HSD17B14: variants seen among roughly 807,000 people sequenced by gnomAD.
HSD17B14 encodes L-fucose dehydrogenase.
In HSD17B14, 32 loss-of-function variants were observed where a neutral mutation model predicts 32.2. The observed-to-expected ratio is 0.99, with a 90% CI of 0.75 to 1.33. The LOEUF (loss-of-function observed/expected upper bound fraction) is 1.33, where lower values mean the gene tolerates loss of function less well. Among genes scored for constraint, HSD17B14 ranks in the 40% most tolerant of loss-of-function variants. The pLI is 0.00. For missense variants in HSD17B14, 370 were observed against 366.5 expected (o/e 1.01, Z -0.08); for synonymous variants, 140 against 155.4 (o/e 0.90, Z 0.74).
intron 5 of HSD17B14, among the ~76,000 whole-genome samples, chr19:48,820,173 G>A (rs1018927055): frequency 1.3e-5 from 2 of 151,574 alleles, no homozygotes; most frequent in South Asian, 2.1e-4. Context: ...AAAACAAACC[G>A]AAAAAGAACG....
intron 5 of HSD17B14, among the ~76,000 whole-genome samples, chr19:48,826,380 G>A (rs184526555): frequency 1.6e-3 from 242 of 149,250 alleles, no homozygotes; most frequent in African/African-American, 5.6e-3. Context: ...TGTAGTCTCA[G>A]GTCCTCGGGA....
intron 5 of HSD17B14, among the ~76,000 whole-genome samples, chr19:48,820,271 C>T (rs969475435): frequency 5.3e-5 from 8 of 151,894 alleles, no homozygotes; most frequent in African/African-American, 7.2e-5. Flanking sequence ...GTCAAGAGTT[C>T]GAGACCAGCC....
In HSD17B14 at chr19:48,822,771, GTGA is replaced by G. The variant is rs1297859609; in HGVS notation, c.370-7633_370-7631del. ...GATTGTGGTAATGACAGTGTTGATG[GTGA>G]TGATGGTGGTAATGATGGTGACGAT... is the stretch of plus-strand genomic sequence containing the variant. On this transcript the variant is annotated intron_variant, in intron 5 of 8. Coordinates refer to ENST00000263278, the MANE Select transcript of HSD17B14 (RefSeq NM_016246.3). Among the ~76,000 whole-genome samples, 12 of 151,742 alleles carry G rather than the reference GTGA, an allele frequency of 7.9e-5. No homozygotes were observed. In the East Asian group the frequency reaches 1.6e-3, roughly 20 times the overall value.
In HSD17B14 at chr19:48,834,285, A is replaced by G. The variant is rs371967875; in HGVS notation, c.201T>C (p.Asp67=). The G allele has an allele frequency of 3.9e-5, 63 of 1,613,796 alleles. No individual in the cohort carries two copies. Among genetic ancestry groups the G allele is most frequent in the Non-Finnish European group, 4.7e-5 (55 of 1,179,812 alleles). Residue 67 remains aspartate, a synonymous_variant, in exon 3 of 9, where the codon GAT becomes GAC. Coordinates refer to ENST00000263278, the MANE Select transcript of HSD17B14 (RefSeq NM_016246.3). The part of the protein sequence containing the change: ...VFILCDVTQE[D]DVKTLVSETI... The stretch of plus-strand genomic sequence containing the variant: ...CAGGAACTCGGCTTACCTTCACATC[A>G]TCTTCCTGAGTCACATCACAGAGGA...
intron 5 of HSD17B14, among the ~76,000 whole-genome samples, chr19:48,817,848 A>C (rs895160824): frequency 1.3e-5 from 2 of 152,204 alleles, no homozygotes; most frequent in African/African-American, 4.8e-5. Flanking sequence ...TGTACCTACA[A>C]GAAGGAGGTA....
At chr19:48,835,891 C>G in intron 1 of HSD17B14, 48 bp from the exon 2 acceptor site, 1 of 1,582,632 alleles carries the variant, frequency 6.3e-7, no homozygotes, top group Non-Finnish European at 8.7e-7. Flanking sequence ...TGGTTAAAGC[C>G]TCTGCCGCCC....
intron 3 of HSD17B14, among the ~76,000 whole-genome samples, chr19:48,833,126 G>A (rs2035373988): frequency 6.6e-6 from 1 of 151,622 alleles, no homozygotes; most frequent in African/African-American, 2.4e-5. Context: ...CAAGGCAGGA[G>A]GGGGAAGCTG....
At position 48,813,163 on chromosome 19, in the gene HSD17B14, A is replaced by G. The variant is rs776604712; in HGVS notation, c.*12T>C. On this transcript the variant is annotated 3_prime_UTR_variant, in exon 9 of 9. Transcript: ENST00000263278. The stretch of plus-strand genomic sequence containing the variant: ...GTCCTAGGAAGGGGGCCCCAAGTAG[A>G]AATGAGAGAAATCAGGAAGGGATAT... 6.4e-7 allele frequency: 1 copy of G among 1,570,220 alleles called. No individual in the cohort carries two copies. The highest frequency in any genetic ancestry group is 1.2e-5 in the South Asian group (1 of 86,194).
At chr19:48,821,865 T>C (rs1036853824) in intron 5 of HSD17B14, among the ~76,000 whole-genome samples, 7 of 151,952 alleles carry the variant, frequency 4.6e-5, no homozygotes, top group Non-Finnish European at 7.4e-5. Context: ...ATGATAATGA[T>C]AGTGATGATC....
intron 3 of HSD17B14, 71 bp from the exon 4 acceptor site, chr19:48,832,803 G>T: frequency 1.5e-6 from 2 of 1,296,900 alleles, no homozygotes; most frequent in Non-Finnish European, 2.2e-6. Flanking sequence ...ACTCAGGCTG[G>T]AGTGCATTGG....
chr19:48,831,866 T>A, intron 4 of HSD17B14, 107 bp from the exon 5 acceptor site: 1 of 674,894 alleles, frequency 1.5e-6, no homozygotes, highest in Non-Finnish European at 2.7e-6. Flanking sequence ...GATCATGAGG[T>A]CAGGAGTTCA....
Position 48,821,941 on chromosome 19 carries a change from G to A in HSD17B14, c.370-6800C>T, listed in dbSNP as rs369914541. The stretch of plus-strand genomic sequence containing the variant: ...TGGTGATGTTGGTGAGGATGGTGAC[G>A]TGGTAATGATGGTTACGATTGTGGT... On this transcript the variant is annotated intron_variant, in intron 5 of 8. Transcript: ENST00000263278. 4.1e-3 allele frequency among the ~76,000 whole-genome samples: 54 copies of A among 13,138 alleles called. 2 individuals carry two copies. The highest frequency in any genetic ancestry group is 0.013 in the African/African-American group (48 of 3,824). The allele number at this position is 13,138 out of a possible 152,430, so 8.6% of individuals were successfully genotyped here. A position where few individuals can be genotyped will look rare whatever the true frequency, so the allele number is the denominator to read the frequency against.
chr19:48,816,779 T>TTTTTCTTTCTTTCTTTCTTTCTTTC, intron 5 of HSD17B14, among the ~76,000 whole-genome samples: 1 of 122,284 alleles, frequency 8.2e-6, no homozygotes, highest in South Asian at 2.7e-4. Flanking sequence ...GCAAGACCCT[T>TTTTTCTTTCTTTCTTTCTTTCTTTC]TTTCTTTCTT....
At chr19:48,822,825 ATGATGGTGGTGAAGATGGTGTTGATGG>A (rs1162923713) in intron 5 of HSD17B14, among the ~76,000 whole-genome samples, 7 of 151,628 alleles carry the variant, frequency 4.6e-5, no homozygotes, top group African/African-American at 1.7e-4. Flanking sequence ...GGGGATGGTA[ATGATGGTGGTGAAGATGGTGTTGATGG>A]TGATGGTGGT....
chr19:48,831,508 A>C (rs1266664972), intron 5 of HSD17B14, among the ~76,000 whole-genome samples, 160 bp downstream of exon 5: 1 of 151,846 alleles, frequency 6.6e-6, no homozygotes, highest in Non-Finnish European at 1.5e-5. Flanking sequence ...AGCTGAGATC[A>C]CACCACTGTC....
Position 48,832,701 on chromosome 19 carries a change from C to G in HSD17B14, c.242G>C (p.Gly81Ala). The change falls in exon 4 of 9, where the codon GGC becomes GCC. Residue 81 changes from glycine (G) to alanine (A), a missense_variant. By Grantham distance (60) the Gly-to-Ala change is moderately conservative (BLOSUM62 0). Transcript: ENST00000263278. ...GTTGTTGACAACACAATCCAGGCGG[C>G]CAAATCGGCGGATGGTCTCAGAAAC... ...TLVSETIRRF[G>A]RLDCVVNNAG... 3 of 1,612,666 alleles carry G rather than the reference C, an allele frequency of 1.9e-6. No homozygotes were observed. The highest frequency in any genetic ancestry group is 2.5e-6 in the Non-Finnish European group (3 of 1,179,780).
chr19:48,836,328 GGC>G lies in HSD17B14; in HGVS notation c.82_83del (p.Ala28LeufsTer15), dbSNP rs758619535. The G allele has an allele frequency of 1.2e-6, 2 of 1,613,076 alleles. No homozygotes were observed. The highest frequency in any genetic ancestry group is 1.7e-6 in the Non-Finnish European group (2 of 1,179,764). On this transcript the variant is annotated frameshift_variant, in exon 1 of 9. Transcript: ENST00000263278. LOFTEE classifies it high-confidence loss of function. The part of the protein sequence containing the change: ...GRGIGAGIVR[A>X]FVNSGARVVI... ...CAGCAGTCAGACCCGGCTCACCGAA[GGC>G]GCGCACGATCCCAGCTCCGATGCCG...
At chr19:48,831,228 T>C (rs2035330184) in intron 5 of HSD17B14, among the ~76,000 whole-genome samples, 1 of 152,206 alleles carries the variant, frequency 6.6e-6, no homozygotes, top group East Asian at 1.9e-4. Flanking sequence ...AAGGTAGATT[T>C]GCTGGATGTA....
intron 5 of HSD17B14, among the ~76,000 whole-genome samples, chr19:48,818,989 TTTTG>T (rs1032005298): frequency 4.6e-5 from 7 of 152,228 alleles, no homozygotes; most frequent in African/African-American, 7.2e-5. Flanking sequence ...CAACTCCTTT[TTTTG>T]TTTGTTTGTT....
Sources: gnomAD v4.1 joint callset for allele counts (sites outside exome capture counted in the v4.1 genomes callset) on GRCh38, gnomAD v4.1.1 for gene constraint, MANE v1.5 for transcripts, NCBI Gene and HGNC (gene_info 2026-07-23, HGNC 2026-07-21) for gene names.